The following NECAP2 variants were observed in gnomAD, a reference collection of about 807,000 sequenced individuals.
The protein encoded by NECAP2 is NECAP endocytosis associated 2, also known as adaptin ear-binding coat-associated protein 2.
A neutral mutation model predicts 37.8 loss-of-function variants in NECAP2; 38 were observed. The observed-to-expected ratio is 1.01, with a 90% CI of 0.78 to 1.32. NECAP2 has a LOEUF of 1.32. Ranked by LOEUF, NECAP2 falls within the 40% of genes most tolerant of loss-of-function variation. The pLI is 0.00. For missense variants in NECAP2, 316 were observed against 334.5 expected (o/e 0.94, Z 0.43); for synonymous variants, 121 against 127.7 (o/e 0.95, Z 0.35).
chr1:16,454,140 A>G (rs1446398011), intron 6 of NECAP2, among the ~76,000 whole-genome samples: 1 of 150,830 alleles, frequency 6.6e-6, no homozygotes, highest in Non-Finnish European at 1.5e-5. Context: ...GCTTACCACA[A>G]CCTCTGCTTC....
intron 2 of NECAP2, 43 bp downstream of exon 2, chr1:16,443,775 C>A (rs755516443): frequency 1.1e-5 from 16 of 1,495,698 alleles, no homozygotes; most frequent in Middle Eastern, 1.9e-4. Flanking sequence ...GGCCGCACCC[C>A]ACTTTATGAA....
chr1:16,441,067 G>A, intron 1 of NECAP2: 1 of 576,962 alleles, frequency 1.7e-6, no homozygotes, highest in African/African-American at 1.9e-5. Flanking sequence ...GCGGCGGGGA[G>A]GGCGTTAAAG....
At position 16,458,945 on chromosome 1, in the gene NECAP2, C is replaced by G; in HGVS notation, c.*55C>G. Reference sequence around the variant, plus strand: ...CTGGGAAGGCGCTCCCTCATCTGGGCCAAAGGAAGGAGGACGAAGCCCTCC... The same window carrying G: ...CTGGGAAGGCGCTCCCTCATCTGGGGCAAAGGAAGGAGGACGAAGCCCTCC... On this transcript the variant is annotated 3_prime_UTR_variant, in exon 8 of 8. Coordinates refer to ENST00000337132, the MANE Select transcript of NECAP2 (RefSeq NM_018090.5). The G allele has an allele frequency of 6.2e-7, 1 of 1,613,974 alleles. No individual in the cohort carries two copies. The highest frequency in any genetic ancestry group is 8.5e-7 in the Non-Finnish European group (1 of 1,179,958).
At position 16,459,678 on chromosome 1, in the gene NECAP2, C is replaced by G. The variant is rs1445882792; in HGVS notation, c.*788C>G. 1 of 152,422 alleles carries G rather than the reference C, an allele frequency of 6.6e-6. No individual in the cohort carries two copies. The highest frequency in any genetic ancestry group is 1.9e-4 in the East Asian group (1 of 5,204). The allele number at this position is 152,422 out of a possible 1,614,324, so 9.4% of individuals were successfully genotyped here. A position where few individuals can be genotyped will look rare whatever the true frequency, so the allele number is the denominator to read the frequency against. Reference sequence around the variant, plus strand: ...GGCGGGTGCTGGAAGCCAGACGGAACAGTGTTGGGGCAGGAAGGTGGATGC... The same window carrying G: ...GGCGGGTGCTGGAAGCCAGACGGAAGAGTGTTGGGGCAGGAAGGTGGATGC... On this transcript the variant is annotated 3_prime_UTR_variant, in exon 8 of 8. Coordinates refer to ENST00000337132, the MANE Select transcript of NECAP2 (RefSeq NM_018090.5).
intron 1 of NECAP2, among the ~76,000 whole-genome samples, chr1:16,443,350 G>A (rs944672854): frequency 1.3e-5 from 2 of 152,218 alleles, no homozygotes; most frequent in Non-Finnish European, 2.9e-5. Flanking sequence ...AGATTTCAGT[G>A]TCTACACTTT....
intron 2 of NECAP2, among the ~76,000 whole-genome samples, chr1:16,445,132 CT>C (rs898356820): frequency 1.3e-5 from 2 of 152,188 alleles, no homozygotes; most frequent in African/African-American, 4.8e-5. Flanking sequence ...CCAGCTGTGA[CT>C]TTAACATGAC....
chr1:16,445,693 C>T (rs2086749774), intron 2 of NECAP2, among the ~76,000 whole-genome samples: 1 of 152,248 alleles, frequency 6.6e-6, no homozygotes, highest in Middle Eastern at 3.4e-3. Flanking sequence ...CGCTTGAGCC[C>T]AGGAATTCCA....
At chr1:16,457,399 T>C (rs2086936761) in intron 7 of NECAP2, among the ~76,000 whole-genome samples, 1 of 152,074 alleles carries the variant, frequency 6.6e-6, no homozygotes, top group African/African-American at 2.4e-5. Flanking sequence ...TGCAGTCAGC[T>C]GACATCATGC....
At chr1:16,444,366 G>A (rs1311847366) in intron 2 of NECAP2, among the ~76,000 whole-genome samples, 1 of 152,016 alleles carries the variant, frequency 6.6e-6, no homozygotes, top group Admixed American at 6.5e-5. Flanking sequence ...GCTCAGTCAG[G>A]TGCCACAACA....
intron 1 of NECAP2, chr1:16,441,613 CAGACAACCTGGCCTATGGCTAT>C (rs2086691341): frequency 6.6e-6 from 1 of 152,164 alleles, no homozygotes; most frequent in Non-Finnish European, 1.5e-5. Flanking sequence ...ACACTTCATA[CAGACAACCTGGCCTATGGCTAT>C]TTTGTGCCAC....
At chr1:16,452,036 T>C in intron 6 of NECAP2, 21 bp downstream of exon 6, 1 of 1,544,190 alleles carries the variant, frequency 6.5e-7, no homozygotes, top group Non-Finnish European at 8.7e-7. Context: ...AGTGGGTGAC[T>C]GCTGCATCAG....
Position 16,451,874 on chromosome 1 carries a change from C to T in NECAP2, c.526C>T (p.Arg176Ter), listed in dbSNP as rs374092788. ...KKKEGAAGNPRVRPASTGGLS... is the reference protein window; with the variant it reads ...KKKEGAAGNP ...GAAGGAAGGAGCAGCTGGGAATCCC[C>T]GAGTCCGGCCTGCCAGCACAGGAGG... Residue 176 changes from arginine (R) to a stop codon, truncating the protein, a stop_gained, in exon 6 of 8, where the codon CGA (arginine) becomes TGA (stop). Transcript: ENST00000337132. LOFTEE classifies it high-confidence loss of function. 18 of 1,613,992 alleles carry T rather than the reference C, an allele frequency of 1.1e-5. No homozygotes were observed. Among genetic ancestry groups the T allele is most frequent in the East Asian group, 2.2e-5 (1 of 44,890 alleles).
At chr1:16,440,925 G>C (rs1286043289) in intron 1 of NECAP2, 72 bp downstream of exon 1, 1 of 1,349,300 alleles carries the variant, frequency 7.4e-7, no homozygotes, top group Non-Finnish European at 1.1e-6. Flanking sequence ...CACCCACTGC[G>C]GGAACCGAGG....
At chr1:16,441,513 ACTTC>A (rs371108971) in intron 1 of NECAP2, 2 of 152,202 alleles carry the variant, frequency 1.3e-5, no homozygotes, top group African/African-American at 4.8e-5. Context: ...TTGGAAGGAA[ACTTC>A]CTTTCCCTTT....
At chr1:16,458,319 C>T (rs998959442) in intron 7 of NECAP2, among the ~76,000 whole-genome samples, 8 of 151,950 alleles carry the variant, frequency 5.3e-5, no homozygotes, top group South Asian at 2.1e-4. Context: ...TAAGACTCTT[C>T]GGCCAGGCAT....
rs954427999 is a variant in NECAP2 at position 16,447,721 on chromosome 1, T to C, written c.194-149T>C. 19 of 655,068 alleles carry C rather than the reference T, an allele frequency of 2.9e-5. No individual in the cohort carries two copies. The African/African-American group carries it at 3.3e-4, about 11-fold the overall frequency. The allele number at this position is 655,068 out of a possible 1,614,324, so 40.6% of individuals were successfully genotyped here. On this transcript the variant is annotated intron_variant, in intron 2 of 7. Coordinates refer to ENST00000337132, the MANE Select transcript of NECAP2 (RefSeq NM_018090.5). ...TTCTGTGTCTTCCCTTTAGCAAGAA[T>C]GGATTCGATTTGAATCCCACAGTAA...
chr1:16,457,320 G>T (rs934770497), intron 7 of NECAP2, among the ~76,000 whole-genome samples: 2 of 152,150 alleles, frequency 1.3e-5, no homozygotes, highest in Non-Finnish European at 2.9e-5. Flanking sequence ...GTTGGGCGTG[G>T]TGGGGTGGTG....
At chr1:16,441,035 A>T in intron 1 of NECAP2, 182 bp downstream of exon 1, 1 of 586,414 alleles carries the variant, frequency 1.7e-6, no homozygotes, top group Admixed American at 2.8e-5. Context: ...CGCCCGTCTC[A>T]GTTCGACGCA....
At chr1:16,442,853 T>C (rs2086708381) in intron 1 of NECAP2, among the ~76,000 whole-genome samples, 1 of 152,026 alleles carries the variant, frequency 6.6e-6, no homozygotes. Context: ...GCTCAGGAGG[T>C]TGAGGCTTCA....
Sources: allele counts gnomAD v4.1 joint callset (sites outside exome capture counted in the v4.1 genomes callset), GRCh38; gene constraint gnomAD v4.1.1; transcripts MANE v1.5; gene names NCBI Gene and HGNC (gene_info 2026-07-23, HGNC 2026-07-21).